The following SUCO variants were observed in gnomAD, a reference collection of about 807,000 sequenced individuals.
SUCO encodes SUN domain containing ossification factor.
SUCO carries 57 observed loss-of-function variants against 148.1 expected under a neutral mutation model. The ratio of observed to expected loss-of-function variants is 0.38; its 90% CI spans 0.31 to 0.48. SUCO has a LOEUF of 0.48. SUCO is among the 20% of genes least tolerant of loss of function. SUCO has a pLI of 0.96. For synonymous variants in SUCO, 470 were observed against 502.7 expected (o/e 0.93, Z 0.87); for missense variants, 1,331 against 1,468.2 (o/e 0.91, Z 1.53).
At chr1:172,544,144 A>G (rs931970065) in intron 1 of SUCO, 3 of 979,132 alleles carry the variant, frequency 3.1e-6, no homozygotes, top group Admixed American at 6.2e-5. Flanking sequence ...AACTTTAACC[A>G]TACTGCGCTA....
upstream of SUCO, chr1:172,533,139 G>C (rs1292134695): frequency 1.4e-6 from 2 of 1,442,672 alleles, no homozygotes; most frequent in Middle Eastern, 2.6e-4. Context: ...CCCCCGGCGG[G>C]CGGGGAGGAT....
chr1:172,573,553 A>G (rs1655204105), intron 9 of SUCO, among the ~76,000 whole-genome samples: 2 of 152,142 alleles, frequency 1.3e-5, no homozygotes, highest in Non-Finnish European at 2.9e-5. Flanking sequence ...ATGCCAAACT[A>G]TCCTCTAGAC....
chr1:172,557,733 G>T lies in SUCO; in HGVS notation c.671G>T (p.Ser224Ile). ...KSEFESKVSA[S>I]EQGGGDPKSA... Reference sequence around the variant, plus strand: ...GAATTTGAATCAAAAGTTTCAGCAAGTGAACAGGGCGGTGGTGATCCAAAA... The same window carrying T: ...GAATTTGAATCAAAAGTTTCAGCAATTGAACAGGGCGGTGGTGATCCAAAA... The change falls in exon 6 of 24, where the codon AGT becomes ATT. Residue 224 changes from serine to isoleucine, a missense_variant. This residue lies in a region of SUCO where 992 missense variants were observed against 1,093.5 expected (regional missense o/e 0.91). Coordinates refer to ENST00000263688, the MANE Select transcript of SUCO (RefSeq NM_014283.5). 1 of 1,613,338 alleles carries T rather than the reference G, an allele frequency of 6.2e-7. No individual in the cohort carries two copies. Among genetic ancestry groups the T allele is most frequent in the East Asian group, 2.2e-5 (1 of 44,868 alleles).
chr1:172,537,708 A>G (rs1652127281), intron 1 of SUCO, among the ~76,000 whole-genome samples: 1 of 152,198 alleles, frequency 6.6e-6, no homozygotes, highest in South Asian at 2.1e-4. Context: ...CTTCACCCCA[A>G]AGGATCATCT....
At chr1:172,606,783 C>T (rs1412811316) in intron 22 of SUCO, among the ~76,000 whole-genome samples, 7 of 151,596 alleles carry the variant, frequency 4.6e-5, no homozygotes, top group African/African-American at 1.5e-4. Context: ...TTATTTTTTC[C>T]TCCCAGATAT....
Position 172,610,012 on chromosome 1 carries a change from C to T in SUCO, c.3518C>T (p.Ser1173Leu). Reference protein sequence around the residue: ...SEGSSETSSQSEESYFCGISA... With the variant: ...SEGSSETSSQLEESYFCGISA... Reference sequence around the variant, plus strand: ...GGAAGCTCAGAAACTTCATCACAGTCAGAAGAGTCCTATTTTTGTGGCATT... The same window carrying T: ...GGAAGCTCAGAAACTTCATCACAGTTAGAAGAGTCCTATTTTTGTGGCATT... The change falls in exon 24 of 24, where the codon TCA (serine) becomes TTA (leucine). Residue 1173 changes from serine (S) to leucine (L), a missense_variant. This residue lies in a region of SUCO where 334 missense variants were observed against 352.3 expected (regional missense o/e 0.95). Transcript: ENST00000263688. 1 of 1,613,926 alleles carries T rather than the reference C, an allele frequency of 6.2e-7. No individual in the cohort carries two copies. Among genetic ancestry groups the T allele is most frequent in the Non-Finnish European group, 8.5e-7 (1 of 1,179,890 alleles).
At chr1:172,543,493 G>A (rs189371286) in intron 1 of SUCO, among the ~76,000 whole-genome samples, 74 of 152,216 alleles carry the variant, frequency 4.9e-4, no homozygotes, top group Non-Finnish European at 8.8e-4. Context: ...ATTTCTAATG[G>A]TAGGTTATAA....
chr1:172,579,411 T>A (rs892443369), intron 15 of SUCO, 144 bp downstream of exon 15: 2 of 536,700 alleles, frequency 3.7e-6, no homozygotes, highest in Non-Finnish European at 6.6e-6. Flanking sequence ...TGAAAAGTAT[T>A]TTTATAGAAA....
At chr1:172,542,676 C>G (rs2149219632) in intron 1 of SUCO, 1 of 956,946 alleles carries the variant, frequency 1.0e-6, no homozygotes, top group East Asian at 1.2e-4. Context: ...GCAAAGTAGT[C>G]TTCCATGAAA....
Position 172,533,260 on chromosome 1 carries a change from C to T in SUCO, c.-176C>T. 1 of 1,549,046 alleles carries T rather than the reference C, an allele frequency of 6.5e-7. No individual in the cohort carries two copies. The highest frequency in any genetic ancestry group is 8.7e-7 in the Non-Finnish European group (1 of 1,146,830). On this transcript the variant is annotated 5_prime_UTR_variant, in exon 1 of 24. Transcript: ENST00000263688. ...CCCCTGTCCGCGCCTCTGTGGGGCC[C>T]TCAGAGAGGGCTGCCAGGACGCGAG...
At chr1:172,546,662 A>G (rs1271245472) in intron 1 of SUCO, among the ~76,000 whole-genome samples, 6 of 152,212 alleles carry the variant, frequency 3.9e-5, no homozygotes, top group Non-Finnish European at 8.8e-5. Context: ...TAATCCCAGC[A>G]CTTTGGGAGG....
chr1:172,552,013 A>G (rs1009407706), intron 2 of SUCO: 1 of 153,010 alleles, frequency 6.5e-6, no homozygotes, highest in Non-Finnish European at 1.5e-5. Flanking sequence ...AGTTTGTTTT[A>G]TGTAATTAGG....
intron 10 of SUCO, among the ~76,000 whole-genome samples, 167 bp from the exon 11 acceptor site, chr1:172,575,351 G>A (rs750145927): frequency 5.9e-5 from 9 of 151,906 alleles, no homozygotes; most frequent in Non-Finnish European, 1.3e-4. Flanking sequence ...AAACCCGTCA[G>A]TTCAGTTGGA....
Position 172,589,133 on chromosome 1 carries a change from T to C in SUCO, c.2032T>C (p.Leu678=), listed in dbSNP as rs778305674. The C allele has an allele frequency of 3.7e-6, 6 of 1,613,752 alleles. No homozygotes were observed. Among genetic ancestry groups the C allele is most frequent in the South Asian group, 1.1e-5 (1 of 91,014 alleles). The change falls in exon 18 of 24, where the codon TTG becomes CTG. Residue 678 remains leucine (L), a synonymous_variant. Coordinates refer to ENST00000263688, the MANE Select transcript of SUCO (RefSeq NM_014283.5). ...TGCGGAATCAGTAGATGTTTCAGTA[T>C]TGCAACCTCTGAGTGGAGAATTGGA... is the stretch of plus-strand genomic sequence containing the variant. ...LPAESVDVSV[L]QPLSGELENT... is the part of the protein sequence containing the mutation.
In SUCO at chr1:172,609,986, A is replaced by C; in HGVS notation, c.3492A>C (p.Glu1164Asp). Reference protein sequence around the residue: ...YHSSYKGPPSEGSSETSSQSE... With the variant: ...YHSSYKGPPSDGSSETSSQSE... ...CTTCTTATAAAGGTCCTCCATCTGA[A>C]GGAAGCTCAGAAACTTCATCACAGT... The change falls in exon 24 of 24, where the codon GAA becomes GAC. Residue 1164 changes from glutamate (E) to aspartate (D), a missense_variant. Transcript: ENST00000263688. 2.5e-6 allele frequency: 4 copies of C among 1,613,994 alleles called. No individual in the cohort carries two copies. The highest frequency in any genetic ancestry group is 3.4e-6 in the Non-Finnish European group (4 of 1,179,892).
At chr1:172,544,157 T>A in intron 1 of SUCO, 2 of 980,252 alleles carry the variant, frequency 2.0e-6, no homozygotes, top group Non-Finnish European at 2.4e-6. Context: ...CTGCGCTAAT[T>A]GAGTGGCTGG....
intron 19 of SUCO, among the ~76,000 whole-genome samples, chr1:172,592,388 T>C (rs1332102023): frequency 6.6e-6 from 1 of 152,224 alleles, no homozygotes; most frequent in Non-Finnish European, 1.5e-5. Context: ...TAGGTTTTCT[T>C]CTAGGGTTTT....
In SUCO at chr1:172,551,580, A is replaced by G. The variant is rs145307638; in HGVS notation, c.131A>G (p.Asp44Gly). 4.3e-4 allele frequency: 687 copies of G among 1,610,958 alleles called. 2 individuals are homozygous for G. Among genetic ancestry groups the G allele is most frequent in the Non-Finnish European group, 4.9e-4 (572 of 1,178,376 alleles). Reference protein sequence around the residue: ...SASASSYYSQDDNCALENEDV... With the variant: ...SASASSYYSQGDNCALENEDV... ...TCAGCGTCATCATATTACTCTCAAGATGACAACTGCGCACTAGAAAATGAA... is the reference window on the plus strand; with the variant it reads ...TCAGCGTCATCATATTACTCTCAAGGTGACAACTGCGCACTAGAAAATGAA... The change falls in exon 2 of 24, where the codon GAT (aspartate) becomes GGT (glycine). Residue 44 changes from aspartate to glycine, a missense_variant. Around this residue, in one of 3 missense-constraint regions of SUCO, gnomAD observed 992 missense variants for 1,093.5 expected, o/e 0.91. Coordinates refer to ENST00000263688, the MANE Select transcript of SUCO (RefSeq NM_014283.5).
intron 1 of SUCO, among the ~76,000 whole-genome samples, chr1:172,540,055 A>G (rs1020647088): frequency 6.6e-6 from 1 of 152,242 alleles, no homozygotes; most frequent in African/African-American, 2.4e-5. Flanking sequence ...TGTAATATGC[A>G]TTAAATTATT....
Sources: allele counts gnomAD v4.1 joint callset (sites outside exome capture counted in the v4.1 genomes callset), GRCh38; gene constraint gnomAD v4.1.1; regional missense constraint gnomAD v4.1.1; transcripts MANE v1.5; gene names NCBI Gene and HGNC (gene_info 2026-07-23, HGNC 2026-07-21).